The following CEP350 variants were observed in gnomAD, a reference collection of about 807,000 sequenced individuals.
The protein encoded by CEP350 is centrosome-associated protein 350.
CEP350 carries 126 observed loss-of-function variants against 331.8 expected under a neutral mutation model. That is an observed-to-expected ratio of 0.38 (90% CI 0.33 to 0.44). The LOEUF (loss-of-function observed/expected upper bound fraction) is 0.44, where lower values mean the gene tolerates loss of function less well. CEP350 is among the 20% of genes least tolerant of loss of function. The pLI is 1.00. For synonymous variants in CEP350, 1,200 were observed against 1,259.5 expected, an observed-to-expected ratio of 0.95 and a Z score of 1.00; for missense variants, 3,406 against 3,634.6, an observed-to-expected ratio of 0.94 and a Z score of 1.62.
rs143858595 is a variant in CEP350 at position 180,084,433 on chromosome 1, C to T, written c.6285+255C>T. ...AGGCTGGAGTGCAGTGGCGCGATCT[C>T]TGCTCACTGCAAGATCCGCCCCCTG... On this transcript the variant is annotated intron_variant, in intron 31 of 37. Transcript: ENST00000367607. 3.7e-4 allele frequency among the ~76,000 whole-genome samples: 56 copies of T among 152,294 alleles called. 1 individual carries two copies. The highest frequency in any genetic ancestry group is 1.3e-3 in the African/African-American group (54 of 41,562).
chr1:180,016,837 A>G (rs1447183767), intron 11 of CEP350, among the ~76,000 whole-genome samples: 1 of 151,592 alleles, frequency 6.6e-6, no homozygotes, highest in Admixed American at 6.6e-5. Flanking sequence ...TAATTTTTGT[A>G]TTTTTAGTAG....
chr1:180,102,216 A>G (rs1572004757), intron 37 of CEP350, among the ~76,000 whole-genome samples: 1 of 150,822 alleles, frequency 6.6e-6, no homozygotes, highest in Non-Finnish European at 1.5e-5. Context: ...GCTCACTACA[A>G]CCTCCGCCTC....
chr1:180,090,505 CACTGCACTCCAGCCTGGGCGACAGAGCG>C (rs1660112359), intron 32 of CEP350, among the ~76,000 whole-genome samples, 181 bp from the exon 33 acceptor site: 1 of 129,016 alleles, frequency 7.8e-6, no homozygotes, highest in African/African-American at 2.8e-5. Context: ...GAGATCGCGC[CACTGCACTCCAGCCTGGGCGACAGAGCG>C]AGACTCCGTC....
chr1:180,090,557 A>AAAAAAAAAAAAAAAAAAAAAAAAAG (rs1660126484), intron 32 of CEP350, among the ~76,000 whole-genome samples, 157 bp from the exon 33 acceptor site: 5 of 92,294 alleles, frequency 5.4e-5, no homozygotes, highest in Non-Finnish European at 1.1e-4. Flanking sequence ...AAAAAAAAAA[A>AAAAAAAAAAAAAAAAAAAAAAAAAG]AAAAAAAAAA....
chr1:180,070,414 T>G (rs1658810185), intron 27 of CEP350, among the ~76,000 whole-genome samples: 1 of 152,182 alleles, frequency 6.6e-6, no homozygotes, highest in Non-Finnish European at 1.5e-5. Flanking sequence ...CGTCACATGG[T>G]CTAGCAGTCA....
intron 31 of CEP350, among the ~76,000 whole-genome samples, chr1:180,085,335 A>G (rs1170141300): frequency 6.6e-6 from 1 of 152,034 alleles, no homozygotes; most frequent in Non-Finnish European, 1.5e-5. Context: ...TTCCTGTCCA[A>G]TTCAGTCACT....
intron 25 of CEP350, among the ~76,000 whole-genome samples, chr1:180,055,558 T>C (rs1293406196): frequency 6.9e-6 from 1 of 145,860 alleles, no homozygotes; most frequent in African/African-American, 2.5e-5. Context: ...TTTTTTTTTT[T>C]TTTTTTTTTT....
At chr1:180,018,870 T>TC (rs1438894685) in intron 11 of CEP350, among the ~76,000 whole-genome samples, 1 of 151,284 alleles carries the variant, frequency 6.6e-6, no homozygotes, top group Non-Finnish European at 1.5e-5. Context: ...TTTTTTTTTT[T>TC]TTTTCTGAGA....
At chr1:180,004,841 C>T (rs1654101539) in intron 7 of CEP350, among the ~76,000 whole-genome samples, 1 of 151,902 alleles carries the variant, frequency 6.6e-6, no homozygotes, top group Non-Finnish European at 1.5e-5. Context: ...GCCTTGACCT[C>T]AGTCCTCAGA....
intron 6 of CEP350, among the ~76,000 whole-genome samples, chr1:180,001,673 A>C (rs146778479): frequency 6.6e-6 from 1 of 152,358 alleles, no homozygotes; most frequent in South Asian, 2.1e-4. Context: ...TGTTTTCCAC[A>C]CTTTGGACAC....
chr1:179,954,897 C>A lies in CEP350; in HGVS notation c.-259C>A. On this transcript the variant is annotated 5_prime_UTR_variant, in exon 1 of 38. In the 5' UTR this introduces an upstream ATG that the reference lacks. Coordinates refer to ENST00000367607, the MANE Select transcript of CEP350 (RefSeq NM_014810.5). Reference sequence around the variant, plus strand: ...GGGGCCAGACCTGCGCCAGAGAGAACTGCAGGGAGCCGCAGCTCGGGGGGT... The same window carrying A: ...GGGGCCAGACCTGCGCCAGAGAGAAATGCAGGGAGCCGCAGCTCGGGGGGT... 1.8e-6 allele frequency: 1 copy of A among 568,142 alleles called. No homozygotes were observed. The highest frequency in any genetic ancestry group is 2.8e-6 in the Non-Finnish European group (1 of 361,158). The allele number at this position is 568,142 out of a possible 1,614,324, so 35.2% of individuals were successfully genotyped here. A position where few individuals can be genotyped will look rare whatever the true frequency, so the allele number is the denominator to read the frequency against.
intron 14 of CEP350, among the ~76,000 whole-genome samples, chr1:180,026,041 C>T (rs578102632): frequency 6.6e-6 from 1 of 152,166 alleles, no homozygotes; most frequent in South Asian, 2.1e-4. Context: ...TCCTCTAGTT[C>T]TTTCTCTTAG....
chr1:180,000,890 A>G (rs1030511281), intron 6 of CEP350: 4 of 152,242 alleles, frequency 2.6e-5, no homozygotes, highest in African/African-American at 7.2e-5. Flanking sequence ...ACTGAACACT[A>G]TGTTTATAAA....
Position 180,015,944 on chromosome 1 carries a change from C to G in CEP350, c.2148C>G (p.Leu716=), listed in dbSNP as rs201284671. 7.4e-6 allele frequency: 12 copies of G among 1,613,848 alleles called. No homozygotes were observed. The East Asian group carries it at 2.7e-4, about 36-fold the overall frequency. Residue 716 remains leucine, a synonymous_variant, in exon 11 of 38, where the codon CTC becomes CTG. Coordinates refer to ENST00000367607, the MANE Select transcript of CEP350 (RefSeq NM_014810.5). ...PSASSSSDMS[L]SEPPQPLARK... is the part of the protein sequence containing the mutation. ...CATCTTCCAGTAGTGACATGTCTCT[C>G]TCAGAACCTCCACAGCCTCTTGCAA... is the stretch of plus-strand genomic sequence containing the variant.
At chr1:180,011,668 A>G (rs1654666585) in intron 8 of CEP350, among the ~76,000 whole-genome samples, 1 of 152,122 alleles carries the variant, frequency 6.6e-6, no homozygotes, top group African/African-American at 2.4e-5. Context: ...TTTGTGCCTT[A>G]GTTCTTGAGG....
At position 180,114,746 on chromosome 1, in the gene CEP350, G is replaced by A. The variant is rs1225271121; in HGVS notation, c.*3585G>A. 6.6e-6 allele frequency: 1 copy of A among 152,626 alleles called. No homozygotes were observed. Among genetic ancestry groups the A allele is most frequent in the African/African-American group, 2.4e-5 (1 of 41,440 alleles). 9.5% of individuals were successfully genotyped at this position (152,626 alleles called of 1,614,324 possible). ...GCAATTTTGCACCGAACACTTAAGG[G>A]TGTGGTTTGTAAGTACGATCTGTAA... On this transcript the variant is annotated 3_prime_UTR_variant, in exon 38 of 38. Transcript: ENST00000367607.
chr1:179,975,494 G>T (rs963736082), intron 1 of CEP350, among the ~76,000 whole-genome samples: 4 of 152,138 alleles, frequency 2.6e-5, no homozygotes, highest in African/African-American at 9.6e-5. Flanking sequence ...TTGAACAGAG[G>T]CAAGGGGAAG....
rs772498029 is a variant in CEP350 at position 180,053,758 on chromosome 1, C to T, written c.4998C>T (p.Asn1666=). 4 of 1,576,048 alleles carry T rather than the reference C, an allele frequency of 2.5e-6. No individual in the cohort carries two copies. In the South Asian group the frequency reaches 4.7e-5, roughly 18 times the overall value. ...GAAACCATCTACTTTAGGAACTGAACATGCCATTCTCAGGAGGACAAGATA... is the reference window on the plus strand; with the variant it reads ...GAAACCATCTACTTTAGGAACTGAATATGCCATTCTCAGGAGGACAAGATA... ...KTTLSTAKEL[N]MPFSGGQDSF... Residue 1666 remains asparagine, a synonymous_variant, in exon 24 of 38, where the codon AAC becomes AAT. Transcript: ENST00000367607.
At chr1:180,098,362 A>G (rs1179074747) in intron 36 of CEP350, among the ~76,000 whole-genome samples, 1 of 151,978 alleles carries the variant, frequency 6.6e-6, no homozygotes, top group African/African-American at 2.4e-5. Context: ...TTATTTTTAG[A>G]TAAGATCTCG....
Sources: allele counts gnomAD v4.1 joint callset (sites outside exome capture counted in the v4.1 genomes callset), GRCh38; gene constraint gnomAD v4.1.1; transcripts MANE v1.5; gene names NCBI Gene and HGNC (gene_info 2026-07-23, HGNC 2026-07-21).